ZNF354C: variants seen among roughly 807,000 people sequenced by gnomAD.
ZNF354C encodes zinc finger protein 354C, also known as KRAB-zinc finger protein synten.
A neutral mutation model predicts 12.4 loss-of-function variants in ZNF354C; 7 were observed. The ratio of observed to expected loss-of-function variants is 0.56; its 90% CI spans 0.32 to 1.06. The LOEUF (loss-of-function observed/expected upper bound fraction) is 1.06. Ranked by LOEUF, ZNF354C falls within the 50% of genes least tolerant of loss-of-function variation. The pLI is 0.04. For synonymous variants in ZNF354C, 202 were observed against 224.5 expected (o/e 0.90, Z 0.90); for missense variants, 609 against 658.0 (o/e 0.93, Z 0.81).
chr5:179,076,931 C>A, intron 3 of ZNF354C, 140 bp from the exon 4 acceptor site: 1 of 736,354 alleles, frequency 1.4e-6, no homozygotes, highest in Non-Finnish European at 2.4e-6. Context: ...CTCCAGTGCC[C>A]CTGCGAAGTG....
At chr5:179,074,272 C>T (rs886514679) in intron 2 of ZNF354C, among the ~76,000 whole-genome samples, 24 of 149,024 alleles carry the variant, frequency 1.6e-4, no homozygotes, top group African/African-American at 2.7e-4. Flanking sequence ...TGAGCCACCG[C>T]GCCTGGCTAA....
In ZNF354C at chr5:179,076,568, C is replaced by G; in HGVS notation, c.151C>G (p.Leu51Val). ...GGAGAACTACAGCAGCCTGGTCTCA[C>G]TGGGTAAGAATTTTTGCCTATGACG... Reference protein sequence around the residue: ...MLENYSSLVSLGIPFSMPKLI... With the variant: ...MLENYSSLVSVGIPFSMPKLI... The change falls in exon 3 of 5, where the codon CTG becomes GTG. Residue 51 changes from leucine (L) to valine (V), a missense_variant. By Grantham distance (32) the Leu-to-Val change is conservative. Transcript: ENST00000315475. 1 of 1,613,820 alleles carries G rather than the reference C, an allele frequency of 6.2e-7. No homozygotes were observed.
intron 2 of ZNF354C, among the ~76,000 whole-genome samples, chr5:179,072,538 T>A (rs1238083867): frequency 1.3e-5 from 2 of 152,110 alleles, no homozygotes; most frequent in Non-Finnish European, 2.9e-5. Flanking sequence ...TTTATCAAAT[T>A]TGGTAAAAAA....
At position 179,078,835 on chromosome 5, in the gene ZNF354C, G is replaced by A. The variant is rs141909176; in HGVS notation, c.403G>A (p.Glu135Lys). 564 of 1,614,086 alleles carry A rather than the reference G, an allele frequency of 3.5e-4. 1 individual carries two copies. The African/African-American group carries it at 6.9e-3, about 20-fold the overall frequency. Residue 135 changes from glutamate to lysine, a missense_variant, in exon 5 of 5, where the codon GAA (glutamate) becomes AAA (lysine). By Grantham distance (56) the Glu-to-Lys change is moderately conservative (BLOSUM62 1). Coordinates refer to ENST00000315475, the MANE Select transcript of ZNF354C (RefSeq NM_014594.3). ...EEAVEFESEIEEEQEKKPLRQ... is the reference protein window; with the variant it reads ...EEAVEFESEIKEEQEKKPLRQ... ...AGCTGTGGAATTTGAGAGCGAGATA[G>A]AAGAAGAGCAAGAGAAGAAACCTCT...
At chr5:179,069,632 G>A (rs928194803) in intron 2 of ZNF354C, among the ~76,000 whole-genome samples, 9 of 151,150 alleles carry the variant, frequency 6.0e-5, no homozygotes, top group Non-Finnish European at 1.2e-4. Flanking sequence ...TTGGGAGGCC[G>A]AGGCGGGTGG....
Position 179,079,741 on chromosome 5 carries a change from G to GAA in ZNF354C, c.1313_1314dup (p.Leu439AsnfsTer46). On this transcript the variant is annotated frameshift_variant, in exon 5 of 5. Coordinates refer to ENST00000315475, the MANE Select transcript of ZNF354C (RefSeq NM_014594.3). LOFTEE classifies it low-confidence loss of function (END_TRUNC). The surrounding 1 kb of genome is among the most constrained non-coding windows in gnomAD (Gnocchi z 4.2). ...TGAACATCGGAAAATTCATACTGGG[G>GAA]AAAAACTTTATACATGTGAGGAATG... 1 of 1,614,096 alleles carries GAA rather than the reference G, an allele frequency of 6.2e-7. No individual in the cohort carries two copies. The highest frequency in any genetic ancestry group is 8.5e-7 in the Non-Finnish European group (1 of 1,180,030).
chr5:179,075,580 C>T (rs1053902072), intron 2 of ZNF354C, among the ~76,000 whole-genome samples: 1 of 152,096 alleles, frequency 6.6e-6, no homozygotes, highest in Non-Finnish European at 1.5e-5. Context: ...CTTTTCTGCC[C>T]CTCTCCACAA....
At chr5:179,061,523 A>G (rs1412996190) in intron 1 of ZNF354C, among the ~76,000 whole-genome samples, 1 of 152,132 alleles carries the variant, frequency 6.6e-6, no homozygotes, top group African/African-American at 2.4e-5. Flanking sequence ...TTATGCTCAC[A>G]GTTTCTTGGG....
intron 3 of ZNF354C, among the ~76,000 whole-genome samples, chr5:179,076,835 A>G (rs1041289851): frequency 5.9e-5 from 9 of 151,926 alleles, no homozygotes; most frequent in African/African-American, 1.9e-4. Context: ...ATTCTGAAAA[A>G]CACATAGGGA....
chr5:179,076,632 G>T, intron 3 of ZNF354C, 61 bp downstream of exon 3: 1 of 1,591,374 alleles, frequency 6.3e-7, no homozygotes, highest in South Asian at 1.1e-5. Flanking sequence ...GTCCATCTTT[G>T]GGGTTCCGAG....
intron 2 of ZNF354C, among the ~76,000 whole-genome samples, chr5:179,075,274 A>T (rs1024952036): frequency 2.0e-5 from 3 of 150,906 alleles, no homozygotes; most frequent in Non-Finnish European, 3.0e-5. Context: ...AAGAAAAAAA[A>T]AAAATAAGCT....
chr5:179,081,555 G>A lies in ZNF354C; in HGVS notation c.*1458G>A, dbSNP rs1762226642. ...TGTTAGAATTAAACTCAAGCAGTCA[G>A]TATAGTATATTTCTTAACCGACTGG... On this transcript the variant is annotated 3_prime_UTR_variant, in exon 5 of 5. Transcript: ENST00000315475. 1.3e-5 allele frequency: 2 copies of A among 152,052 alleles called. No individual in the cohort carries two copies. Among genetic ancestry groups the A allele is most frequent in the African/African-American group, 4.8e-5 (2 of 41,392 alleles). The allele number at this position is 152,052 out of a possible 1,614,324, so 9.4% of individuals were successfully genotyped here.
chr5:179,069,250 C>T (rs1358019863), intron 2 of ZNF354C, among the ~76,000 whole-genome samples: 1 of 152,108 alleles, frequency 6.6e-6, no homozygotes, highest in Admixed American at 6.5e-5. Flanking sequence ...TGATAAGAAA[C>T]ATTTACAGTC....
chr5:179,083,146 G>A lies in ZNF354C; in HGVS notation c.*3049G>A. On this transcript the variant is annotated 3_prime_UTR_variant, in exon 5 of 5. Coordinates refer to ENST00000315475, the MANE Select transcript of ZNF354C (RefSeq NM_014594.3). ...GTAAAACAAAAAGTGGTCTCTGCTA[G>A]ATTAAGACAAGAGACATAACCAAAT... 2.0e-6 allele frequency: 1 copy of A among 501,126 alleles called. No homozygotes were observed. Among genetic ancestry groups the A allele is most frequent in the Non-Finnish European group, 3.6e-6 (1 of 274,226 alleles). 31.0% of individuals were successfully genotyped at this position (501,126 alleles called of 1,614,324 possible). A position where few individuals can be genotyped will look rare whatever the true frequency, so the allele number is the denominator to read the frequency against.
intron 4 of ZNF354C, 41 bp from the exon 5 acceptor site, chr5:179,078,642 C>A: frequency 6.6e-7 from 1 of 1,506,010 alleles, no homozygotes; most frequent in Middle Eastern, 1.8e-4. Context: ...CAGTTTGTTT[C>A]TTCCAGCAGA....
chr5:179,067,143 C>A (rs1256286088), intron 2 of ZNF354C, among the ~76,000 whole-genome samples: 1 of 152,184 alleles, frequency 6.6e-6, no homozygotes, highest in Non-Finnish European at 1.5e-5. Flanking sequence ...GCTTACCACA[C>A]AAAGTCGGGT....
At position 179,079,666 on chromosome 5, in the gene ZNF354C, T is replaced by C. The variant is rs760585197; in HGVS notation, c.1234T>C (p.Tyr412His). 7 of 1,614,072 alleles carry C rather than the reference T, an allele frequency of 4.3e-6. No homozygotes were observed. The highest frequency in any genetic ancestry group is 5.9e-6 in the Non-Finnish European group (7 of 1,180,040). The change falls in exon 5 of 5, where the codon TAT becomes CAT. Residue 412 changes from tyrosine to histidine, a missense_variant. Physicochemically the swap from Tyr to His is moderately conservative, Grantham distance 83 (BLOSUM62 2). Coordinates refer to ENST00000315475, the MANE Select transcript of ZNF354C (RefSeq NM_014594.3). This position sits in a 1 kb window ranked among gnomAD's most constrained non-coding sequence, Gnocchi z 4.2. ...HQRIHTGQKP[Y>H]QCNECEKAFN... ...GCGAATTCACACTGGACAAAAACCT[T>C]ATCAGTGCAACGAATGTGAGAAAGC...
At chr5:179,061,320 G>A (rs1761888728) in intron 1 of ZNF354C, among the ~76,000 whole-genome samples, 1 of 152,194 alleles carries the variant, frequency 6.6e-6, no homozygotes, top group Admixed American at 6.5e-5. Flanking sequence ...CTCCCACCTG[G>A]GGTTGGTGTT....
rs778062999 is a variant in ZNF354C at position 179,079,653 on chromosome 5, T to G, written c.1221T>G (p.Thr407=). ...TTATCGAACATCAGCGAATTCACAC[T>G]GGACAAAAACCTTATCAGTGCAACG... The part of the protein sequence containing the change: ...VTLIEHQRIH[T]GQKPYQCNEC... Residue 407 remains threonine (T), a synonymous_variant, in exon 5 of 5, where the codon ACT becomes ACG. Coordinates refer to ENST00000315475, the MANE Select transcript of ZNF354C (RefSeq NM_014594.3). This position sits in a 1 kb window ranked among gnomAD's most constrained non-coding sequence, Gnocchi z 4.2. 13 of 1,614,060 alleles carry G rather than the reference T, an allele frequency of 8.1e-6. No individual in the cohort carries two copies. Among genetic ancestry groups the G allele is most frequent in the Non-Finnish European group, 1.1e-5 (13 of 1,180,040 alleles).
Sources: gnomAD v4.1 joint callset for allele counts (sites outside exome capture counted in the v4.1 genomes callset) on GRCh38, gnomAD v4.1.1 for gene constraint, Gnocchi (gnomAD v3.1) non-coding constraint, MANE v1.5 for transcripts, NCBI Gene and HGNC (gene_info 2026-07-23, HGNC 2026-07-21) for gene names.